The following PRKAR2B variants were observed in gnomAD, a reference collection of about 807,000 sequenced individuals.
PRKAR2B encodes the protein protein kinase cAMP-dependent type II regulatory subunit beta, also known as cAMP-dependent protein kinase type II-beta regulatory subunit.
PRKAR2B carries 14 observed loss-of-function variants against 49.9 expected under a neutral mutation model. That is an observed-to-expected ratio of 0.28 (90% CI 0.19 to 0.44). PRKAR2B has a LOEUF of 0.44. Ranked by LOEUF, PRKAR2B falls within the 20% of genes least tolerant of loss-of-function variation. The pLI, the probability that PRKAR2B is intolerant of heterozygous loss-of-function variation, is 1.00. For missense variants in PRKAR2B, 393 were observed against 537.9 expected (o/e 0.73, Z 2.67); for synonymous variants, 196 against 197.7 (o/e 0.99, Z 0.07).
intron 3 of PRKAR2B, among the ~76,000 whole-genome samples, chr7:107,123,106 G>A (rs1795418825): frequency 6.6e-6 from 1 of 152,160 alleles, no homozygotes. Flanking sequence ...AAGACAACAT[G>A]CTTCTTTATA....
intron 2 of PRKAR2B, chr7:107,078,201 CAAA>C (rs66861003): frequency 7.7e-5 from 9 of 116,966 alleles, no homozygotes; most frequent in Non-Finnish European, 8.6e-5. Context: ...GATACTCCAT[CAAA>C]AAAAAAAAAA....
intron 6 of PRKAR2B, among the ~76,000 whole-genome samples, chr7:107,147,561 A>G (rs765532738): frequency 5.3e-5 from 8 of 152,222 alleles, no homozygotes; most frequent in African/African-American, 7.2e-5. Context: ...TATGCTTACA[A>G]ATCACCTGGG....
chr7:107,137,127 C>T (rs896320301), intron 4 of PRKAR2B, among the ~76,000 whole-genome samples: 2 of 152,138 alleles, frequency 1.3e-5, no homozygotes, highest in Non-Finnish European at 2.9e-5. Context: ...CCCTTGTCAC[C>T]GCTAGACAGC....
chr7:107,112,174 T>TG (rs1795187785), intron 2 of PRKAR2B, among the ~76,000 whole-genome samples: 1 of 44,800 alleles, frequency 2.2e-5, no homozygotes, highest in Admixed American at 2.8e-4. Context: ...ACTGTGTCTC[T>TG]AAAAAAAAAA....
intron 1 of PRKAR2B, 145 bp downstream of exon 1, chr7:107,045,359 C>G (rs1793669255): frequency 1.5e-6 from 1 of 678,798 alleles, no homozygotes; most frequent in African/African-American, 1.9e-5. Flanking sequence ...CTCGCCCACC[C>G]CCTCAGCATC....
intron 2 of PRKAR2B, 45 bp from the exon 3 acceptor site, chr7:107,121,906 GT>G: frequency 3.1e-6 from 4 of 1,295,670 alleles, no homozygotes; most frequent in Non-Finnish European, 2.2e-6. Context: ...TTGTAGTATG[GT>G]TTTTGATGAA....
chr7:107,140,473 TA>T (rs1440999707), intron 4 of PRKAR2B, among the ~76,000 whole-genome samples: 1 of 152,212 alleles, frequency 6.6e-6, no homozygotes, highest in African/African-American at 2.4e-5. Flanking sequence ...AGGAAGTTTT[TA>T]AAAATGGGTA....
At chr7:107,070,339 T>G in intron 2 of PRKAR2B, 23 bp downstream of exon 2, 1 of 1,577,170 alleles carries the variant, frequency 6.3e-7, no homozygotes, top group Non-Finnish European at 8.7e-7. Context: ...ATATTATGGA[T>G]TTTGTTTATT....
chr7:107,139,770 A>G (rs1472444533), intron 4 of PRKAR2B, among the ~76,000 whole-genome samples: 1 of 152,230 alleles, frequency 6.6e-6, no homozygotes, highest in East Asian at 1.9e-4. Context: ...ATGCGGTCTC[A>G]AAAGGGAGAG....
Position 107,156,970 on chromosome 7 carries a change from A to T in PRKAR2B, c.919-14A>T, listed in dbSNP as rs775990253. On this transcript the variant is annotated splice_polypyrimidine_tract_variant and intron_variant, in intron 8 of 10. Coordinates refer to ENST00000265717, the MANE Select transcript of PRKAR2B (RefSeq NM_002736.3). ...TGCATTTTCACCGTCTGTTTTTGTT[A>T]TTGATTCCAATAGGGAGATTCGGCT... is the stretch of plus-strand genomic sequence containing the variant. 6 of 1,597,846 alleles carry T rather than the reference A, an allele frequency of 3.8e-6. No homozygotes were observed. In the East Asian group the frequency reaches 1.3e-4, roughly 36 times the overall value.
rs554019629 is a variant in PRKAR2B at position 107,150,802 on chromosome 7, AT to A, written c.742-119del. ...ATATGAAATGAGTTGCATTAAAAGT[AT>A]AATGATGTTAATCTTTTATTTCAGA... On this transcript the variant is annotated intron_variant, in intron 6 of 10. Coordinates refer to ENST00000265717, the MANE Select transcript of PRKAR2B (RefSeq NM_002736.3). 17 of 583,396 alleles carry A rather than the reference AT, an allele frequency of 2.9e-5. No homozygotes were observed. In the East Asian group the frequency reaches 5.5e-4, roughly 19 times the overall value. The allele number at this position is 583,396 out of a possible 1,614,324, so 36.1% of individuals were successfully genotyped here.
At chr7:107,125,023 TTGAA>T (rs1272307562) in intron 3 of PRKAR2B, among the ~76,000 whole-genome samples, 1 of 152,200 alleles carries the variant, frequency 6.6e-6, no homozygotes, top group Non-Finnish European at 1.5e-5. Context: ...TTTATGACGC[TTGAA>T]TTTGAATTTA....
intron 4 of PRKAR2B, among the ~76,000 whole-genome samples, chr7:107,139,756 T>G (rs1671358494): frequency 6.6e-6 from 1 of 152,224 alleles, no homozygotes; most frequent in African/African-American, 2.4e-5. Flanking sequence ...CTTGTAACAT[T>G]TTCATGCGGT....
intron 8 of PRKAR2B, among the ~76,000 whole-genome samples, chr7:107,154,689 A>AT (rs749891779): frequency 1.3e-5 from 2 of 152,244 alleles, no homozygotes; most frequent in Non-Finnish European, 2.9e-5. Flanking sequence ...GTTTTGAAAT[A>AT]TTTTAAGTTT....
At chr7:107,062,956 A>G (rs748682957) in intron 1 of PRKAR2B, among the ~76,000 whole-genome samples, 4 of 152,094 alleles carry the variant, frequency 2.6e-5, no homozygotes, top group Admixed American at 6.6e-5. Flanking sequence ...AGCCAGTACT[A>G]TATATTTTAA....
chr7:107,144,841 G>T (rs1293189444), intron 5 of PRKAR2B, among the ~76,000 whole-genome samples: 2 of 115,944 alleles, frequency 1.7e-5, no homozygotes, highest in African/African-American at 3.5e-5. Flanking sequence ...CTTTGTCTGT[G>T]TTAGGGTTTA....
chr7:107,103,333 C>T (rs1795011094), intron 2 of PRKAR2B, among the ~76,000 whole-genome samples: 1 of 152,216 alleles, frequency 6.6e-6, no homozygotes, highest in African/African-American at 2.4e-5. Flanking sequence ...ACGTCTACCT[C>T]ACTCTTGTAA....
chr7:107,066,528 T>A (rs1794150040), intron 1 of PRKAR2B: 1 of 152,162 alleles, frequency 6.6e-6, no homozygotes, highest in South Asian at 2.1e-4. Context: ...CTCTTACATT[T>A]GAATAGGAAT....
At position 107,141,331 on chromosome 7, in the gene PRKAR2B, C is replaced by A. The variant is rs182047805; in HGVS notation, c.587+378C>A. Among the ~76,000 whole-genome samples, 559 of 152,280 alleles carry A rather than the reference C, an allele frequency of 3.7e-3. 2 individuals are homozygous for A. Among genetic ancestry groups the A allele is most frequent in the Admixed American group, 8.2e-3 (126 of 15,294 alleles). On this transcript the variant is annotated intron_variant, in intron 5 of 10. Coordinates refer to ENST00000265717, the MANE Select transcript of PRKAR2B (RefSeq NM_002736.3). Reference sequence around the variant, plus strand: ...ATCTGAGATATTAATTCACAGTAGACCTCAATTGGTATTTCTTAAAAGGTT... The same window carrying A: ...ATCTGAGATATTAATTCACAGTAGAACTCAATTGGTATTTCTTAAAAGGTT...
Sources: gnomAD v4.1 joint callset for allele counts (sites outside exome capture counted in the v4.1 genomes callset) on GRCh38, gnomAD v4.1.1 for gene constraint, MANE v1.5 for transcripts, NCBI Gene and HGNC (gene_info 2026-07-23, HGNC 2026-07-21) for gene names.